PCDHA8: variants seen among roughly 807,000 people sequenced by gnomAD.
PCDHA8 encodes the protein protocadherin alpha-8.
Under a neutral mutation model 61.8 loss-of-function variants are expected in PCDHA8, and 53 were observed. The observed-to-expected ratio is 0.86, with a 90% CI of 0.69 to 1.08. PCDHA8 has a LOEUF of 1.08. Ranked by LOEUF, PCDHA8 falls within the 50% of genes least tolerant of loss-of-function variation. The pLI is 0.00. For missense variants in PCDHA8, 1,293 were observed against 1,245.0 expected (o/e 1.04, Z -0.58); for synonymous variants, 618 against 556.6 (o/e 1.11, Z -1.55).
intron 1 of PCDHA8, chr5:140,928,909 C>T (rs1364728842): frequency 1.6e-5 from 26 of 1,614,034 alleles, no homozygotes; most frequent in Non-Finnish European, 2.1e-5. Flanking sequence ...TGTCTGGGAA[C>T]CAGGAGGGCA....
intron 1 of PCDHA8, chr5:140,858,284 T>C: frequency 6.3e-7 from 1 of 1,596,754 alleles, no homozygotes; most frequent in South Asian, 1.1e-5. Flanking sequence ...GGTGGGGAGC[T>C]GGTCTTACTC....
At chr5:140,884,152 T>G (rs1279761986) in intron 1 of PCDHA8, 7 of 1,613,332 alleles carry the variant, frequency 4.3e-6, no homozygotes, top group East Asian at 2.2e-5. Context: ...GGCTGTACAC[T>G]GGCGAGATCA....
intron 1 of PCDHA8, among the ~76,000 whole-genome samples, chr5:140,879,472 G>T (rs546855959): frequency 6.6e-6 from 1 of 152,318 alleles, no homozygotes; most frequent in South Asian, 2.1e-4. Context: ...GAATACCGTT[G>T]TGATTGGAAA....
At chr5:140,955,669 G>C (rs1031483633) in intron 1 of PCDHA8, among the ~76,000 whole-genome samples, 2 of 152,094 alleles carry the variant, frequency 1.3e-5, no homozygotes, top group African/African-American at 4.8e-5. Flanking sequence ...TTTTAACATA[G>C]TTTTTTCGAA....
intron 1 of PCDHA8, among the ~76,000 whole-genome samples, chr5:140,878,484 A>G (rs1285844908): frequency 6.6e-6 from 1 of 152,190 alleles, no homozygotes; most frequent in African/African-American, 2.4e-5. Flanking sequence ...CAATTTAAAA[A>G]TATTTAACCA....
chr5:140,941,201 TCC>T lies in PCDHA8; in HGVS notation c.2395-37747_2395-37746del, dbSNP rs1554213890. On this transcript the variant is annotated intron_variant, in intron 1 of 3. Coordinates refer to ENST00000531613, the MANE Select transcript of PCDHA8 (RefSeq NM_018911.3). The stretch of plus-strand genomic sequence containing the variant: ...ATCCTGCTTCTTTTTTTTTCTTTCT[TCC>T]TTTCTTTCTTCCTTTCTTTCTTTCT... 4.9e-3 allele frequency among the ~76,000 whole-genome samples: 512 copies of T among 103,578 alleles called. 4 individuals are homozygous for T. The highest frequency in any genetic ancestry group is 7.0e-3 in the African/African-American group (178 of 25,432). 68.0% of individuals were successfully genotyped at this position (103,578 alleles called of 152,430 possible). A position where few individuals can be genotyped will look rare whatever the true frequency, so the allele number is the denominator to read the frequency against.
intron 1 of PCDHA8, among the ~76,000 whole-genome samples, chr5:140,961,969 C>T (rs188846719): frequency 1.5e-4 from 23 of 151,904 alleles, no homozygotes; most frequent in African/African-American, 5.1e-4. Flanking sequence ...CTGCAACCTC[C>T]GCCTCCTGGG....
chr5:140,905,664 T>A (rs1456741391), intron 1 of PCDHA8, among the ~76,000 whole-genome samples: 1 of 152,246 alleles, frequency 6.6e-6, no homozygotes, highest in African/African-American at 2.4e-5. Flanking sequence ...CTGTCATCCA[T>A]TAACATGGAA....
At chr5:140,850,428 C>T (rs2150483973) in intron 1 of PCDHA8, 1 of 1,597,938 alleles carries the variant, frequency 6.3e-7, no homozygotes, top group Admixed American at 1.7e-5. Context: ...CGCACCGCGC[C>T]AGCGCCTACT....
chr5:140,853,310 T>C lies in PCDHA8; in HGVS notation c.2394+9595T>C, dbSNP rs2042704013. On this transcript the variant is annotated intron_variant, in intron 1 of 3. Coordinates refer to ENST00000531613, the MANE Select transcript of PCDHA8 (RefSeq NM_018911.3). ...ATTCTCAGAAGGGCTGTGAACACCT[T>C]AGTAATAAATTTATCTTTTGAGGTC... The C allele has an allele frequency of 3.0e-6, 3 of 983,796 alleles. 1 individual carries two copies. The highest frequency in any genetic ancestry group is 3.7e-6 in the Non-Finnish European group (3 of 816,256). 60.9% of individuals were successfully genotyped at this position (983,796 alleles called of 1,614,324 possible). A position where few individuals can be genotyped will look rare whatever the true frequency, so the allele number is the denominator to read the frequency against.
chr5:140,870,704 T>C (rs782770549), intron 1 of PCDHA8: 1 of 1,612,984 alleles, frequency 6.2e-7, no homozygotes, highest in Non-Finnish European at 8.5e-7. Flanking sequence ...CAGTTCCAGG[T>C]GAGCGCGCGC....
intron 1 of PCDHA8, chr5:140,927,529 C>A: frequency 6.2e-7 from 1 of 1,614,098 alleles, no homozygotes; most frequent in South Asian, 1.1e-5. Flanking sequence ...GCTACCTGCC[C>A]GCTCAGGAGA....
intron 1 of PCDHA8, chr5:140,868,934 G>T: frequency 2.7e-6 from 3 of 1,116,548 alleles, no homozygotes; most frequent in African/African-American, 1.6e-5. Context: ...TTTAAAGGTT[G>T]GTCTGAACAG....
intron 1 of PCDHA8, among the ~76,000 whole-genome samples, chr5:140,933,412 A>G (rs1466318521): frequency 2.6e-5 from 4 of 152,066 alleles, no homozygotes; most frequent in Non-Finnish European, 5.9e-5. Flanking sequence ...ATCTACAGAT[A>G]TTCTGTGTTC....
At chr5:140,950,006 G>A (rs2094439907) in intron 1 of PCDHA8, among the ~76,000 whole-genome samples, 1 of 151,676 alleles carries the variant, frequency 6.6e-6, no homozygotes, top group African/African-American at 2.4e-5. Context: ...ACTTAATAGT[G>A]TACAACCTTC....
At chr5:140,899,336 A>G (rs2067275819) in intron 1 of PCDHA8, among the ~76,000 whole-genome samples, 1 of 152,130 alleles carries the variant, frequency 6.6e-6, no homozygotes, top group Non-Finnish European at 1.5e-5. Context: ...TTTGTCATAG[A>G]TAGCTCTTAT....
intron 1 of PCDHA8, chr5:140,927,118 G>T (rs2083863389): frequency 6.2e-7 from 1 of 1,613,946 alleles, no homozygotes; most frequent in East Asian, 2.2e-5. Context: ...CGGCAATTTG[G>T]TGGTCAGAGA....
At chr5:140,925,108 G>GGAGGGAA (rs1554202548) in intron 1 of PCDHA8, among the ~76,000 whole-genome samples, 1 of 124,702 alleles carries the variant, frequency 8.0e-6, no homozygotes, top group African/African-American at 3.3e-5. Context: ...GAAGGAAGGA[G>GGAGGGAA]GGAAGGAAGG....
At chr5:140,844,630 A>G (rs1413264229) in intron 1 of PCDHA8, among the ~76,000 whole-genome samples, 2 of 149,590 alleles carry the variant, frequency 1.3e-5, no homozygotes, top group Non-Finnish European at 3.0e-5. Flanking sequence ...CAGAAAAACT[A>G]TACATGATAA....
Sources: allele counts gnomAD v4.1 joint callset (sites outside exome capture counted in the v4.1 genomes callset), GRCh38; gene constraint gnomAD v4.1.1; transcripts MANE v1.5; gene names NCBI Gene and HGNC (gene_info 2026-07-23, HGNC 2026-07-21).